Variants in MTUS2 observed in about 807,000 individuals in gnomAD.
The protein encoded by MTUS2 is microtubule-associated tumor suppressor candidate 2.
Under a neutral mutation model 114.1 loss-of-function variants are expected in MTUS2, and 40 were observed. The ratio of observed to expected loss-of-function variants is 0.35; its 90% CI spans 0.27 to 0.46. The LOEUF (loss-of-function observed/expected upper bound fraction) is 0.46, where lower values mean the gene tolerates loss of function less well. Among genes scored for constraint, MTUS2 ranks in the 20% least tolerant of loss-of-function variants. The pLI is 1.00. For missense variants in MTUS2, 1,679 were observed against 1,705.4 expected (o/e 0.98, Z 0.27); for synonymous variants, 688 against 672.0 (o/e 1.02, Z -0.37).
At chr13:28,902,811 G>T (rs1404221942) in intron 2 of MTUS2, among the ~76,000 whole-genome samples, 1 of 152,066 alleles carries the variant, frequency 6.6e-6, no homozygotes, top group Non-Finnish European at 1.5e-5. Context: ...TTTGGTCAGG[G>T]TAATAGTGGC....
chr13:29,017,865 C>T (rs1245749989), intron 2 of MTUS2, among the ~76,000 whole-genome samples: 2 of 152,100 alleles, frequency 1.3e-5, no homozygotes, highest in Non-Finnish European at 2.9e-5. Flanking sequence ...CTAGCGAGCT[C>T]ATAATTTCAT....
At chr13:28,917,017 A>T (rs986348097) in intron 2 of MTUS2, among the ~76,000 whole-genome samples, 7 of 151,902 alleles carry the variant, frequency 4.6e-5, no homozygotes, top group African/African-American at 1.4e-4. Flanking sequence ...AGTATCAATT[A>T]AAATGATTAT....
intron 4 of MTUS2, among the ~76,000 whole-genome samples, chr13:29,037,075 C>G (rs1231470556): frequency 6.6e-6 from 1 of 152,062 alleles, no homozygotes; most frequent in Non-Finnish European, 1.5e-5. Flanking sequence ...GTTATTTTGC[C>G]TGTTAGTTGA....
At chr13:29,388,850 G>T (rs1304225743) in intron 8 of MTUS2, among the ~76,000 whole-genome samples, 2 of 151,980 alleles carry the variant, frequency 1.3e-5, no homozygotes, top group East Asian at 3.9e-4. Flanking sequence ...CATGATTTTT[G>T]ATGGGCCCAT....
At chr13:29,095,541 A>G (rs1163424591) in intron 4 of MTUS2, among the ~76,000 whole-genome samples, 2 of 142,666 alleles carry the variant, frequency 1.4e-5, no homozygotes, top group African/African-American at 2.6e-5. Flanking sequence ...AATAATTTAA[A>G]TAAATTTTCA....
At chr13:29,277,714 G>T (rs1898118142) in intron 5 of MTUS2, among the ~76,000 whole-genome samples, 1 of 152,136 alleles carries the variant, frequency 6.6e-6, no homozygotes, top group African/African-American at 2.4e-5. Context: ...CTGAGTTCCA[G>T]CCAGTAGACT....
At chr13:29,394,634 C>A (rs980770924) in intron 8 of MTUS2, among the ~76,000 whole-genome samples, 1 of 152,162 alleles carries the variant, frequency 6.6e-6, no homozygotes, top group Non-Finnish European at 1.5e-5. Context: ...GGGGATTCTC[C>A]CCAGCAGGGA....
At chr13:28,952,401 G>A (rs1180487663) in intron 2 of MTUS2, among the ~76,000 whole-genome samples, 1 of 152,304 alleles carries the variant, frequency 6.6e-6, no homozygotes. Context: ...TGCGTTTTCA[G>A]TTTAACAATG....
intron 5 of MTUS2, among the ~76,000 whole-genome samples, chr13:29,181,787 ACTGTGTG>A (rs1221504715): frequency 3.7e-5 from 3 of 82,070 alleles, no homozygotes; most frequent in Admixed American, 1.4e-4. Context: ...TTTATATACT[ACTGTGTG>A]TGTGTGTGTG....
chr13:28,921,899 C>T (rs964205222), intron 2 of MTUS2, among the ~76,000 whole-genome samples: 1 of 152,160 alleles, frequency 6.6e-6, no homozygotes, highest in African/African-American at 2.4e-5. Flanking sequence ...CAGCCACTGC[C>T]AGGGGATGGG....
intron 5 of MTUS2, among the ~76,000 whole-genome samples, chr13:29,196,192 G>C (rs1465534675): frequency 6.6e-6 from 1 of 151,684 alleles, no homozygotes; most frequent in Non-Finnish European, 1.5e-5. Flanking sequence ...TGTCTGCTGG[G>C]TTCAAGCAAT....
intron 2 of MTUS2, among the ~76,000 whole-genome samples, chr13:28,877,536 G>A (rs1037831848): frequency 3.3e-5 from 5 of 152,144 alleles, no homozygotes; most frequent in East Asian, 3.9e-4. Context: ...AAGTATAACC[G>A]AGAATGTCAT....
chr13:29,292,419 A>G (rs1253780242), intron 6 of MTUS2, among the ~76,000 whole-genome samples: 4 of 152,234 alleles, frequency 2.6e-5, no homozygotes, highest in East Asian at 1.9e-4. Context: ...TTGAACAAAC[A>G]TCTGAGTGCT....
chr13:29,098,679 G>A (rs1363656682), intron 4 of MTUS2, among the ~76,000 whole-genome samples: 2 of 152,150 alleles, frequency 1.3e-5, no homozygotes, highest in East Asian at 1.9e-4. Context: ...ATATAAGTAA[G>A]TGCAGAATAA....
At chr13:29,080,452 C>T (rs1371731825) in intron 4 of MTUS2, among the ~76,000 whole-genome samples, 2 of 152,104 alleles carry the variant, frequency 1.3e-5, no homozygotes, top group African/African-American at 4.8e-5. Context: ...AGTATTGACT[C>T]ACACTGTCAC....
chr13:29,242,171 A>G (rs1896756995), intron 5 of MTUS2, among the ~76,000 whole-genome samples: 1 of 152,202 alleles, frequency 6.6e-6, no homozygotes, highest in East Asian at 1.9e-4. Context: ...TGAGTGGTTC[A>G]ACCATAACCA....
At chr13:28,885,277 T>C (rs1489470279) in intron 2 of MTUS2, among the ~76,000 whole-genome samples, 1 of 152,184 alleles carries the variant, frequency 6.6e-6, no homozygotes, top group Non-Finnish European at 1.5e-5. Context: ...AAAAACGTTC[T>C]TGGCAACTCG....
At chr13:29,273,130 G>A (rs1897938847) in intron 5 of MTUS2, among the ~76,000 whole-genome samples, 1 of 152,170 alleles carries the variant, frequency 6.6e-6, no homozygotes, top group South Asian at 2.1e-4. Context: ...CTGAATGTTG[G>A]AGGAGACACA....
intron 2 of MTUS2, among the ~76,000 whole-genome samples, chr13:28,862,122 A>C (rs1015708835): frequency 6.6e-6 from 1 of 152,140 alleles, no homozygotes; most frequent in Non-Finnish European, 1.5e-5. Flanking sequence ...ATGAATAGAA[A>C]ATGTGTGCAT....
Sources: allele counts gnomAD v4.1 joint callset (sites outside exome capture counted in the v4.1 genomes callset), GRCh38; gene constraint gnomAD v4.1.1; transcripts MANE v1.5; gene names NCBI Gene and HGNC (gene_info 2026-07-23, HGNC 2026-07-21).